Variants in DDX17 observed in about 807,000 individuals in gnomAD.
The protein encoded by DDX17 is probable ATP-dependent RNA helicase DDX17.
A neutral mutation model predicts 80.8 loss-of-function variants in DDX17; 10 were observed. The ratio of observed to expected loss-of-function variants is 0.12; its 90% confidence interval spans 0.08 to 0.21. The LOEUF (loss-of-function observed/expected upper bound fraction) is 0.21, where lower values mean the gene tolerates loss of function less well. Among genes scored for constraint, DDX17 ranks in the 10% least tolerant of loss-of-function variants. The pLI, the probability that DDX17 is intolerant of heterozygous loss-of-function variation, is 1.00. For missense variants in DDX17, 586 were observed against 957.4 expected, an observed-to-expected ratio of 0.61 and a Z score of 5.12; for synonymous variants, 339 against 336.2, an observed-to-expected ratio of 1.01 and a Z score of -0.09.
chr22:38,494,262 T>TA (rs2089739953), intron 8 of DDX17, 131 bp from the exon 9 acceptor site: 2 of 657,520 alleles, frequency 3.0e-6, no homozygotes. Flanking sequence ...TAATAACTAT[T>TA]AGAGTACTGA....
Position 38,485,741 on chromosome 22 carries a change from TG to T in DDX17, c.*193del. The T allele has an allele frequency of 3.6e-6, 2 of 556,412 alleles. No individual in the cohort carries two copies. Among genetic ancestry groups the T allele is most frequent in the South Asian group, 3.9e-5 (1 of 25,852 alleles). The allele number at this position is 556,412 out of a possible 1,614,324, so 34.5% of individuals were successfully genotyped here. A position where few individuals can be genotyped will look rare whatever the true frequency, so the allele number is the denominator to read the frequency against. Reference sequence around the variant, plus strand: ...GTTATTCCAGACTGGATCATTTTGGTGGGCAGAAGAAACCTGGCAGTGAATT... The same window carrying T: ...GTTATTCCAGACTGGATCATTTTGGTGGCAGAAGAAACCTGGCAGTGAATT... On this transcript the variant is annotated 3_prime_UTR_variant, in exon 13 of 13. Transcript: ENST00000403230.
At chr22:38,502,173 G>A (rs2089837421) in intron 1 of DDX17, among the ~76,000 whole-genome samples, 1 of 152,238 alleles carries the variant, frequency 6.6e-6, no homozygotes, top group Admixed American at 6.5e-5. Context: ...CACTTTGGGA[G>A]GCGGAGGCCA....
chr22:38,503,445 A>C (rs750568756), intron 1 of DDX17, among the ~76,000 whole-genome samples: 40 of 151,988 alleles, frequency 2.6e-4, no homozygotes, highest in Non-Finnish European at 4.7e-4. Flanking sequence ...CTCTCTCCTT[A>C]CTTCCCTGGC....
chr22:38,485,997 T>C lies in DDX17; in HGVS notation c.2128A>G (p.Met710Val), dbSNP rs775684476. 3.1e-6 allele frequency: 5 copies of C among 1,613,872 alleles called. No homozygotes were observed. The highest frequency in any genetic ancestry group is 2.7e-5 in the African/African-American group (2 of 74,844). ...GGGTATTGGTAGGCAGTCTGCCCCA[T>C]GTAACCTATCATATTGGTAGCTCCC... is the stretch of plus-strand genomic sequence containing the variant. Residue 710 changes from methionine to valine, a missense_variant, in exon 13 of 13, where the codon ATG becomes GTG. This residue lies in a region of DDX17 where 221 missense variants were observed against 261.4 expected (regional missense o/e 0.85). Coordinates refer to ENST00000403230, the MANE Select transcript of DDX17 (RefSeq NM_006386.5).
intron 4 of DDX17, 144 bp downstream of exon 4, chr22:38,498,296 C>G: frequency 7.2e-7 from 1 of 1,392,790 alleles, no homozygotes; most frequent in South Asian, 1.4e-5. Flanking sequence ...CAAATTTGAA[C>G]ATAAAATGCT....
At chr22:38,499,586 G>T in intron 2 of DDX17, 87 bp from the exon 3 acceptor site, 3 of 1,037,398 alleles carry the variant, frequency 2.9e-6, no homozygotes, top group Non-Finnish European at 3.0e-6. Flanking sequence ...CAATTATCCA[G>T]TCCACAGCTA....
At chr22:38,495,072 C>T (rs752854960) in intron 6 of DDX17, 26 bp from the exon 7 acceptor site, 2 of 1,602,180 alleles carry the variant, frequency 1.2e-6, no homozygotes, top group Non-Finnish European at 1.7e-6. Context: ...AATGATCGAG[C>T]CAATCGACTA....
In DDX17 at chr22:38,489,015, T is replaced by C; in HGVS notation, c.1448-900A>G. On this transcript the variant is annotated intron_variant, in intron 11 of 12. Coordinates refer to ENST00000403230, the MANE Select transcript of DDX17 (RefSeq NM_006386.5). The surrounding 1 kb of genome is among the most constrained non-coding windows in gnomAD (Gnocchi z 4.6). The stretch of plus-strand genomic sequence containing the variant: ...CTGGGAATTGGGCTGAATAACCTCC[T>C]AAGGCTTAAAATGTAAATGTTAGTG... 1 of 985,314 alleles carries C rather than the reference T, an allele frequency of 1.0e-6. No homozygotes were observed. The highest frequency in any genetic ancestry group is 1.2e-6 in the Non-Finnish European group (1 of 829,822). 61.0% of individuals were successfully genotyped at this position (985,314 alleles called of 1,614,324 possible).
At chr22:38,497,577 T>G (rs1401849792) in intron 5 of DDX17, among the ~76,000 whole-genome samples, 1 of 127,382 alleles carries the variant, frequency 7.9e-6, no homozygotes, top group Non-Finnish European at 1.6e-5. Flanking sequence ...GAGATCTCGC[T>G]ACTGCACTCC....
At chr22:38,496,824 T>C (rs1602679316) in intron 5 of DDX17, among the ~76,000 whole-genome samples, 1 of 152,206 alleles carries the variant, frequency 6.6e-6, no homozygotes, top group Non-Finnish European at 1.5e-5. Flanking sequence ...AGGTATCATA[T>C]ACCATTCAAA....
chr22:38,487,473 G>T (rs1036628462), intron 12 of DDX17, among the ~76,000 whole-genome samples: 2 of 152,296 alleles, frequency 1.3e-5, no homozygotes, highest in South Asian at 4.1e-4. Flanking sequence ...ACAAAAATTA[G>T]CAGGGTGTGC....
In DDX17 at chr22:38,485,817, T is replaced by TTA. The variant is rs547604242; in HGVS notation, c.*117_*118insTA. 1.3e-4 allele frequency: 136 copies of TTA among 1,035,334 alleles called. No homozygotes were observed. The highest frequency in any genetic ancestry group is 1.2e-4 in the Non-Finnish European group (93 of 785,204). 64.1% of individuals were successfully genotyped at this position (1,035,334 alleles called of 1,614,324 possible). On this transcript the variant is annotated 3_prime_UTR_variant, in exon 13 of 13. Transcript: ENST00000403230. ...AATCACGATGGTTGGGGGGAAAAATTAAAAAAAAAAAAAGAAAAAAGGAAA... is the reference window on the plus strand; with the variant it reads ...AATCACGATGGTTGGGGGGAAAAATTTAAAAAAAAAAAAAAGAAAAAAGGAAA...
At chr22:38,495,131 G>A (rs1470854539) in intron 6 of DDX17, 85 bp from the exon 7 acceptor site, 1 of 1,392,182 alleles carries the variant, frequency 7.2e-7, no homozygotes, top group Admixed American at 2.3e-5. Flanking sequence ...AGAGGAGGCG[G>A]GAAGATCGCT....
At chr22:38,504,972 G>C (rs1358525554) in intron 1 of DDX17, among the ~76,000 whole-genome samples, 2 of 152,168 alleles carry the variant, frequency 1.3e-5, no homozygotes, top group African/African-American at 4.8e-5. Flanking sequence ...GCAATGGCGC[G>C]ATCTCGGCTC....
chr22:38,497,619 C>CA (rs138449), intron 5 of DDX17, among the ~76,000 whole-genome samples: 10,129 of 74,918 alleles, frequency 0.14, 890 homozygotes, highest in Middle Eastern at 0.27. Flanking sequence ...AATATATCTC[C>CA]AAAAAAAAAA....
chr22:38,502,060 A>T (rs998487585), intron 1 of DDX17, among the ~76,000 whole-genome samples: 9 of 152,242 alleles, frequency 5.9e-5, no homozygotes, highest in Non-Finnish European at 1.2e-4. Flanking sequence ...TGCAAAGCAA[A>T]ACTGGGTCTT....
At chr22:38,501,853 A>C (rs548916793) in intron 1 of DDX17, among the ~76,000 whole-genome samples, 2 of 152,354 alleles carry the variant, frequency 1.3e-5, no homozygotes, top group Admixed American at 1.3e-4. Context: ...TGGAGTTACT[A>C]AACAAAACAG....
chr22:38,498,236 A>C, intron 4 of DDX17, 86 bp from the exon 5 acceptor site: 1 of 1,507,194 alleles, frequency 6.6e-7, no homozygotes. Context: ...TAATGCATAA[A>C]TAGGAAAGTG....
At chr22:38,491,619 CCT>C (rs1333638981) in intron 11 of DDX17, 1 of 155,616 alleles carries the variant, frequency 6.4e-6, no homozygotes, top group Non-Finnish European at 1.4e-5. Context: ...TAAAACTGGA[CCT>C]CTCTGTATAT....
Sources: allele counts gnomAD v4.1 joint callset (sites outside exome capture counted in the v4.1 genomes callset), GRCh38; gene constraint gnomAD v4.1.1; regional missense constraint gnomAD v4.1.1; non-coding constraint Gnocchi (gnomAD v3.1); transcripts MANE v1.5; gene names NCBI Gene and HGNC (gene_info 2026-07-23, HGNC 2026-07-21).